Variants in USP30 observed in about 807,000 individuals in gnomAD.
USP30 encodes ubiquitin specific peptidase 30.
USP30 carries 41 observed loss-of-function variants against 68.2 expected under a neutral mutation model. The ratio of observed to expected loss-of-function variants is 0.60; its 90% CI spans 0.47 to 0.78. USP30 has a LOEUF of 0.78. Ranked by LOEUF, USP30 falls within the 30% of genes least tolerant of loss-of-function variation. USP30 has a pLI of 0.00. For synonymous variants in USP30, 229 were observed against 253.7 expected (o/e 0.90, Z 0.93); for missense variants, 522 against 649.4 (o/e 0.80, Z 2.13).
At chr12:109,024,393 G>A (rs1347449216) in intron 1 of USP30, among the ~76,000 whole-genome samples, 6 of 151,958 alleles carry the variant, frequency 3.9e-5, no homozygotes, top group African/African-American at 1.5e-4. Flanking sequence ...GAATAGCTGG[G>A]ATTACAGGTG....
At chr12:109,073,935 T>C (rs993029603) in intron 7 of USP30, among the ~76,000 whole-genome samples, 2 of 152,204 alleles carry the variant, frequency 1.3e-5, no homozygotes, top group Non-Finnish European at 2.9e-5. Context: ...TTTTATTTTA[T>C]TTTTTCACAG....
At chr12:109,045,833 A>G (rs926948638) in intron 3 of USP30, among the ~76,000 whole-genome samples, 2 of 152,188 alleles carry the variant, frequency 1.3e-5, no homozygotes, top group African/African-American at 4.8e-5. Flanking sequence ...ATGTGTGTGT[A>G]TGCACACGTA....
At position 109,067,608 on chromosome 12, in the gene USP30, T is replaced by G; in HGVS notation, c.461T>G (p.Ile154Ser). ...LDVLRMYRWQ[I>S]SSFEEQDAHE... ...GTCTTAAGAATGTACAGATGGCAGA[T>G]CTCATCATTTGAAGAACAGGTGAGT... Residue 154 changes from isoleucine (I) to serine (S), a missense_variant, in exon 4 of 13, where the codon ATC becomes AGC. By Grantham distance (142) the Ile-to-Ser change is moderately radical. Transcript: ENST00000257548. The G allele has an allele frequency of 6.2e-7, 1 of 1,614,098 alleles. No homozygotes were observed. Among genetic ancestry groups the G allele is most frequent in the African/African-American group, 1.3e-5 (1 of 75,038 alleles).
At chr12:109,045,666 T>C (rs1289241588) in intron 3 of USP30, among the ~76,000 whole-genome samples, 1 of 152,116 alleles carries the variant, frequency 6.6e-6, no homozygotes, top group Non-Finnish European at 1.5e-5. Context: ...GTTGGGAGGA[T>C]GAAACAGGGC....
chr12:109,086,131 G>A lies in USP30; in HGVS notation c.*200G>A. 1 of 673,836 alleles carries A rather than the reference G, an allele frequency of 1.5e-6. No individual in the cohort carries two copies. Among genetic ancestry groups the A allele is most frequent in the South Asian group, 2.1e-5 (1 of 47,314 alleles). The allele number at this position is 673,836 out of a possible 1,614,324, so 41.7% of individuals were successfully genotyped here. ...CTGAACAGTCCTGTTCATGTGTGTA[G>A]GTGGTTCTGTTGTGTTAAGAAAGCA... On this transcript the variant is annotated 3_prime_UTR_variant, in exon 13 of 13. Transcript: ENST00000257548.
chr12:109,084,503 G>T (rs2041892446), intron 11 of USP30, among the ~76,000 whole-genome samples: 1 of 152,140 alleles, frequency 6.6e-6, no homozygotes, highest in African/African-American at 2.4e-5. Context: ...ACTGGGGGAG[G>T]GGTGCTACTG....
intron 1 of USP30, chr12:109,053,983 C>G (rs903158267): frequency 2.2e-6 from 1 of 455,828 alleles, no homozygotes; most frequent in Non-Finnish European, 4.4e-6. Context: ...TTAGTTTCTT[C>G]TGCTATAAAA....
chr12:109,069,555 A>G (rs917046246), intron 4 of USP30, among the ~76,000 whole-genome samples: 1 of 152,220 alleles, frequency 6.6e-6, no homozygotes, highest in African/African-American at 2.4e-5. Context: ...ACAAGTATTT[A>G]TTGAATGCCT....
intron 3 of USP30, among the ~76,000 whole-genome samples, chr12:109,037,384 G>A (rs1231514682): frequency 1.3e-5 from 2 of 152,000 alleles, no homozygotes; most frequent in Non-Finnish European, 2.9e-5. Context: ...CTTATTTAAA[G>A]TCTTTGTTTC....
rs369116078 is a variant in USP30, at chr12:109,067,142, G to A, written c.377-382G>A. Among the ~76,000 whole-genome samples the A allele has an allele frequency of 4.3e-4, 56 of 130,014 alleles. 1 individual carries two copies. Among genetic ancestry groups the A allele is most frequent in the African/African-American group, 1.5e-3 (49 of 33,624 alleles). 85.3% of individuals were successfully genotyped at this position (130,014 alleles called of 152,430 possible). On this transcript the variant is annotated intron_variant, in intron 3 of 12. Transcript: ENST00000257548. Reference sequence around the variant, plus strand: ...TTTTTTTTTTTTTTTGAGATGGAGCGTCACTCTGTCACCCAGGCTGGAGTG... The same window carrying A: ...TTTTTTTTTTTTTTTGAGATGGAGCATCACTCTGTCACCCAGGCTGGAGTG...
Position 109,084,972 on chromosome 12 carries a change from C to A in USP30, c.1188C>A (p.Ala396=), listed in dbSNP as rs1201183700. 1.9e-6 allele frequency: 3 copies of A among 1,600,808 alleles called. No individual in the cohort carries two copies. The highest frequency in any genetic ancestry group is 1.7e-6 in the Non-Finnish European group (2 of 1,172,254). The stretch of plus-strand genomic sequence containing the variant: ...TTGCAGTTCTGAATCAGCCAGGGGC[C>A]CCCAAAACACAGATTTTTATGAATG... The part of the protein sequence containing the change: ...APTPVLNQPG[A]PKTQIFMNGA... Residue 396 remains alanine (A), a synonymous_variant, in exon 12 of 13, where the codon GCC becomes GCA. Transcript: ENST00000257548.
chr12:109,025,938 T>G (rs1316377166), intron 2 of USP30, among the ~76,000 whole-genome samples: 2 of 152,178 alleles, frequency 1.3e-5, no homozygotes, highest in Non-Finnish European at 2.9e-5. Context: ...TCCTCCCACC[T>G]TGGCCAAAGG....
At chr12:109,047,932 C>T (rs140198663), upstream of USP30, among the ~76,000 whole-genome samples, 179 of 152,156 alleles carry the variant, frequency 1.2e-3, no homozygotes, top group African/African-American at 4.1e-3. Context: ...GCTCAAGACC[C>T]TTTTAGGAGG....
At chr12:109,072,280 TG>T in intron 5 of USP30, 24 bp from the exon 6 acceptor site, 1 of 1,589,456 alleles carries the variant, frequency 6.3e-7, no homozygotes, top group Admixed American at 1.7e-5. Flanking sequence ...GTTTTCAGTC[TG>T]TTTTTTTTTT....
intron 2 of USP30, among the ~76,000 whole-genome samples, chr12:109,026,744 A>T (rs1453031977): frequency 1.3e-5 from 2 of 152,090 alleles, no homozygotes; most frequent in African/African-American, 4.8e-5. Flanking sequence ...TTGAGATTAC[A>T]GGTGTGAGCC....
At chr12:109,083,165 T>G in intron 11 of USP30, 103 bp downstream of exon 11, 1 of 1,150,572 alleles carries the variant, frequency 8.7e-7, no homozygotes, top group South Asian at 1.6e-5. Context: ...GCACAAGGCT[T>G]GTACAATGGT....
At chr12:109,068,141 G>A (rs998962571) in intron 4 of USP30, among the ~76,000 whole-genome samples, 21 of 152,136 alleles carry the variant, frequency 1.4e-4, no homozygotes, top group African/African-American at 4.6e-4. Context: ...GCCTTTTTTG[G>A]AACTTGGCCA....
intron 3 of USP30, among the ~76,000 whole-genome samples, chr12:109,046,326 G>A (rs1313009290): frequency 6.6e-6 from 1 of 151,646 alleles, no homozygotes; most frequent in Non-Finnish European, 1.5e-5. Context: ...TGTTGGCCAG[G>A]ATGGTCTCGA....
intron 3 of USP30, among the ~76,000 whole-genome samples, chr12:109,039,725 C>T (rs1378966143): frequency 1.3e-5 from 2 of 152,154 alleles, no homozygotes; most frequent in Non-Finnish European, 2.9e-5. Context: ...ATTCTTCTGC[C>T]TCAGCCTCCC....
Sources: gnomAD v4.1 joint callset for allele counts (sites outside exome capture counted in the v4.1 genomes callset) on GRCh38, gnomAD v4.1.1 for gene constraint, MANE v1.5 for transcripts, NCBI Gene and HGNC (gene_info 2026-07-23, HGNC 2026-07-21) for gene names.